The following SYCP2L variants were observed in gnomAD, a reference collection of about 807,000 sequenced individuals.
SYCP2L encodes synaptonemal complex protein 2 like.
A neutral mutation model predicts 125.8 loss-of-function variants in SYCP2L; 98 were observed. The observed-to-expected ratio is 0.78, with a 90% CI of 0.66 to 0.92. The LOEUF (loss-of-function observed/expected upper bound fraction) is 0.92, where lower values mean the gene tolerates loss of function less well. Ranked by LOEUF, SYCP2L falls within the 40% of genes least tolerant of loss-of-function variation. SYCP2L has a pLI of 0.00. For missense variants in SYCP2L, 842 were observed against 936.4 expected (o/e 0.90, Z 1.32); for synonymous variants, 317 against 325.4 (o/e 0.97, Z 0.28).
At position 10,926,873 on chromosome 6, in the gene SYCP2L, A is replaced by T. The variant is rs534513661; in HGVS notation, c.1313-367A>T. Among the ~76,000 whole-genome samples the T allele has an allele frequency of 3.5e-3, 517 of 148,420 alleles. 7 individuals are homozygous for T. The highest frequency in any genetic ancestry group is 0.012 in the African/African-American group (484 of 40,164). On this transcript the variant is annotated intron_variant, in intron 16 of 29. Transcript: ENST00000283141. ...CGGCTCACTGCAACCTCTGCCTCCTAGGTTTAAGCAACTCTTCTGCCTCAG... is the reference window on the plus strand; with the variant it reads ...CGGCTCACTGCAACCTCTGCCTCCTTGGTTTAAGCAACTCTTCTGCCTCAG...
At chr6:10,893,551 A>G (rs1780209327) in intron 2 of SYCP2L, among the ~76,000 whole-genome samples, 2 of 152,162 alleles carry the variant, frequency 1.3e-5, no homozygotes, top group African/African-American at 4.8e-5. Context: ...TCCTTGGGTC[A>G]GTGGTTCCCA....
intron 29 of SYCP2L, among the ~76,000 whole-genome samples, chr6:10,968,829 C>T (rs60726215): frequency 3.3e-5 from 5 of 152,050 alleles, no homozygotes; most frequent in African/African-American, 1.2e-4. Context: ...GCTGACTTTT[C>T]GAAGCTTTTT....
chr6:10,963,323 G>T (rs552588203), intron 28 of SYCP2L: 1 of 161,154 alleles, frequency 6.2e-6, no homozygotes, highest in South Asian at 1.7e-4. Context: ...ATGGGTGCCT[G>T]GCCCTGGGCT....
intron 6 of SYCP2L, 78 bp downstream of exon 6, chr6:10,898,926 A>T: frequency 2.1e-6 from 2 of 947,410 alleles, no homozygotes; most frequent in East Asian, 5.0e-5. Context: ...AAGAAAAATG[A>T]TATGTAAAAG....
In SYCP2L at chr6:10,941,173, A is replaced by G. The variant is rs180770214; in HGVS notation, c.1814-1286A>G. On this transcript the variant is annotated intron_variant, in intron 21 of 29. Coordinates refer to ENST00000283141, the MANE Select transcript of SYCP2L (RefSeq NM_001040274.3). ...AATTCAAGATGGATTAAAGACTTAA[A>G]TGTTAGACTTAAAACCATAAAAACC... Among the ~76,000 whole-genome samples, 391 of 152,344 alleles carry G rather than the reference A, an allele frequency of 2.6e-3. 1 individual carries two copies. Among genetic ancestry groups the G allele is most frequent in the African/African-American group, 9.0e-3 (374 of 41,568 alleles).
intron 14 of SYCP2L, among the ~76,000 whole-genome samples, chr6:10,923,401 T>G (rs1163569270): frequency 6.8e-6 from 1 of 146,854 alleles, no homozygotes; most frequent in Non-Finnish European, 1.5e-5. Context: ...TTTTTTTTTT[T>G]TTGAGATGGA....
chr6:10,898,133 G>T lies in SYCP2L; in HGVS notation c.441+18G>T. ...CTGCATTGGTAAGGATGGGATGGAT[G>T]CTTCACTGAGCAGATGCCATTGGTA... On this transcript the variant is annotated intron_variant, in intron 5 of 29. Transcript: ENST00000283141. The T allele has an allele frequency of 6.5e-7, 1 of 1,528,498 alleles. No individual in the cohort carries two copies. The allele number at this position is 1,528,498 out of a possible 1,614,324, so 94.7% of individuals were successfully genotyped here.
intron 1 of SYCP2L, among the ~76,000 whole-genome samples, chr6:10,887,951 A>T (rs969837399): frequency 3.3e-5 from 5 of 151,834 alleles, no homozygotes; most frequent in Non-Finnish European, 5.9e-5. Context: ...TCCCTGTTAC[A>T]TTGAAAGCTG....
intron 14 of SYCP2L, among the ~76,000 whole-genome samples, chr6:10,923,877 G>T (rs540161186): frequency 6.6e-6 from 1 of 151,110 alleles, no homozygotes; most frequent in Non-Finnish European, 1.5e-5. Context: ...GCAGAGACAG[G>T]GTTTCACCGT....
rs1317821308 is a variant in SYCP2L at position 10,974,309 on chromosome 6, A to C, written c.*395A>C. Reference sequence around the variant, plus strand: ...AAACACTTTAGCAGCATCTGTATAAATACAATTGGATGTGTCTCTTGGAAG... The same window carrying C: ...AAACACTTTAGCAGCATCTGTATAACTACAATTGGATGTGTCTCTTGGAAG... On this transcript the variant is annotated 3_prime_UTR_variant, in exon 30 of 30. Transcript: ENST00000283141. 1 of 152,188 alleles carries C rather than the reference A, an allele frequency of 6.6e-6. No individual in the cohort carries two copies. Among genetic ancestry groups the C allele is most frequent in the East Asian group, 1.9e-4 (1 of 5,196 alleles). 9.4% of individuals were successfully genotyped at this position (152,188 alleles called of 1,614,324 possible). A position where few individuals can be genotyped will look rare whatever the true frequency, so the allele number is the denominator to read the frequency against.
chr6:10,923,081 T>C (rs1031703845), intron 14 of SYCP2L, among the ~76,000 whole-genome samples: 1 of 152,228 alleles, frequency 6.6e-6, no homozygotes, highest in Admixed American at 6.5e-5. Flanking sequence ...CTAGGCATGC[T>C]TTCAGTACTC....
At chr6:10,906,761 C>A (rs1780503048) in intron 9 of SYCP2L, among the ~76,000 whole-genome samples, 1 of 151,688 alleles carries the variant, frequency 6.6e-6, no homozygotes, top group African/African-American at 2.4e-5. Flanking sequence ...CCACACCTGG[C>A]TAATTTTTGT....
At position 10,946,728 on chromosome 6, in the gene SYCP2L, C is replaced by CT. The variant is rs981436424; in HGVS notation, c.1954+3990dup. Among the ~76,000 whole-genome samples, 16 of 151,722 alleles carry CT rather than the reference C, an allele frequency of 1.1e-4. 1 individual carries two copies. The highest frequency in any genetic ancestry group is 9.7e-4 in the East Asian group (5 of 5,166). ...AGTCATTCTTCAAAGGTAATTTGTC[C>CT]TTTTTTTTCCCTCCTCAATATATAT... On this transcript the variant is annotated intron_variant, in intron 23 of 29. Transcript: ENST00000283141.
intron 8 of SYCP2L, among the ~76,000 whole-genome samples, chr6:10,903,663 A>G (rs769670639): frequency 4.6e-5 from 7 of 152,108 alleles, no homozygotes; most frequent in Non-Finnish European, 8.8e-5. Flanking sequence ...AGGCAGGAGA[A>G]TCGCTTGAAC....
At chr6:10,935,611 G>A (rs971627052) in intron 21 of SYCP2L, among the ~76,000 whole-genome samples, 1 of 151,684 alleles carries the variant, frequency 6.6e-6, no homozygotes, top group South Asian at 2.1e-4. Flanking sequence ...TGCAACCTCC[G>A]CCTCCCAGGT....
At chr6:10,913,711 C>G (rs9467926) in intron 14 of SYCP2L, among the ~76,000 whole-genome samples, 37,100 of 151,952 alleles carry the variant, frequency 0.24, 4,973 homozygotes, top group East Asian at 0.53. Flanking sequence ...CGCAAAAGAT[C>G]TTTAGTTTAA....
At chr6:10,887,449 G>T (rs1275853525) in intron 1 of SYCP2L, among the ~76,000 whole-genome samples, 1 of 152,188 alleles carries the variant, frequency 6.6e-6, no homozygotes, top group Non-Finnish European at 1.5e-5. Context: ...CGGTTTTCCA[G>T]CCCTCTTTCC....
intron 21 of SYCP2L, among the ~76,000 whole-genome samples, chr6:10,939,416 A>C (rs1422742618): frequency 6.6e-6 from 1 of 152,254 alleles, no homozygotes; most frequent in Non-Finnish European, 1.5e-5. Context: ...CTAAATAGCC[A>C]AAGCAATCTT....
At chr6:10,958,760 C>G in intron 25 of SYCP2L, 24 bp from the exon 26 acceptor site, 4 of 1,586,722 alleles carry the variant, frequency 2.5e-6, no homozygotes, top group Non-Finnish European at 2.6e-6. Flanking sequence ...ATGTGATCAT[C>G]TTGTTATTGT....
Sources: gnomAD v4.1 joint callset for allele counts (sites outside exome capture counted in the v4.1 genomes callset) on GRCh38, gnomAD v4.1.1 for gene constraint, MANE v1.5 for transcripts, NCBI Gene and HGNC (gene_info 2026-07-23, HGNC 2026-07-21) for gene names.